EDIL3: variants seen among roughly 807,000 people sequenced by gnomAD.
The protein encoded by EDIL3 is EGF-like repeat and discoidin I-like domain-containing protein 3.
EDIL3 carries 37 observed loss-of-function variants against 67.4 expected under a neutral mutation model. The observed-to-expected ratio is 0.55, with a 90% CI of 0.42 to 0.72. The LOEUF is 0.72. EDIL3 is among the 30% of genes least tolerant of loss of function. EDIL3 has a pLI of 0.00. For missense variants in EDIL3, 527 were observed against 586.3 expected (o/e 0.90, Z 1.04); for synonymous variants, 195 against 196.3 (o/e 0.99, Z 0.05).
chr5:84,215,118 G>T (rs1159022021), intron 3 of EDIL3, among the ~76,000 whole-genome samples: 1 of 152,164 alleles, frequency 6.6e-6, no homozygotes, highest in Non-Finnish European at 1.5e-5. Context: ...TATTTATGAA[G>T]CATCTACTAT....
chr5:84,282,256 C>A (rs1277526516), intron 1 of EDIL3, among the ~76,000 whole-genome samples: 3 of 152,048 alleles, frequency 2.0e-5, no homozygotes, highest in African/African-American at 7.2e-5. Context: ...TTCTCTTGCA[C>A]CCTCTTCAGA....
At position 84,378,354 on chromosome 5, in the gene EDIL3, A is replaced by G. The variant is rs73146549; in HGVS notation, c.67+5954T>C. Among the ~76,000 whole-genome samples the G allele has an allele frequency of 2.3e-3, 349 of 152,258 alleles. 1 individual carries two copies. Among genetic ancestry groups the G allele is most frequent in the African/African-American group, 8.2e-3 (340 of 41,548 alleles). On this transcript the variant is annotated intron_variant, in intron 1 of 10. Transcript: ENST00000296591. Reference sequence around the variant, plus strand: ...ATCACCAGTTATTGCATTCTCTTATATGGTGATACACTTACCACTCCCCAC... The same window carrying G: ...ATCACCAGTTATTGCATTCTCTTATGTGGTGATACACTTACCACTCCCCAC...
At chr5:84,247,756 A>G (rs918244363) in intron 2 of EDIL3, among the ~76,000 whole-genome samples, 1 of 151,988 alleles carries the variant, frequency 6.6e-6, no homozygotes, top group African/African-American at 2.4e-5. Context: ...GAATATATAT[A>G]TGTATTTTTT....
At chr5:84,346,229 C>T (rs1157997380) in intron 1 of EDIL3, among the ~76,000 whole-genome samples, 3 of 149,864 alleles carry the variant, frequency 2.0e-5, no homozygotes, top group Admixed American at 1.3e-4. Flanking sequence ...CTGCAACCTC[C>T]GCCTCCCGGG....
chr5:84,244,775 T>C (rs747921736), intron 2 of EDIL3, among the ~76,000 whole-genome samples: 7 of 152,152 alleles, frequency 4.6e-5, no homozygotes, highest in Non-Finnish European at 7.4e-5. Context: ...TTCCATACTT[T>C]AGATTGGGGT....
chr5:84,117,123 G>A (rs972447810), intron 5 of EDIL3, among the ~76,000 whole-genome samples: 1 of 143,544 alleles, frequency 7.0e-6, no homozygotes, highest in African/African-American at 2.6e-5. Context: ...CGCCTCCCGG[G>A]TTCACGCCAT....
Position 83,941,362 on chromosome 5 carries a change from G to A in EDIL3, c.*2057C>T, listed in dbSNP as rs1287232888. The A allele has an allele frequency of 6.6e-6, 1 of 151,778 alleles. No homozygotes were observed. Among genetic ancestry groups the A allele is most frequent in the Non-Finnish European group, 1.5e-5 (1 of 67,854 alleles). The allele number at this position is 151,778 out of a possible 1,614,324, so 9.4% of individuals were successfully genotyped here. ...TTCCTTGGAAAATATTTTTAAAACA[G>A]GTATCAATAGAAAAAATTACAAAAC... is the stretch of plus-strand genomic sequence containing the variant. On this transcript the variant is annotated 3_prime_UTR_variant, in exon 11 of 11. Transcript: ENST00000296591.
At chr5:83,955,120 T>A (rs1388183970) in intron 10 of EDIL3, among the ~76,000 whole-genome samples, 1 of 151,770 alleles carries the variant, frequency 6.6e-6, no homozygotes, top group Non-Finnish European at 1.5e-5. Context: ...CTTTTTTCAC[T>A]GAGAAATATT....
At chr5:84,215,013 C>A (rs562776545) in intron 3 of EDIL3, among the ~76,000 whole-genome samples, 1 of 152,298 alleles carries the variant, frequency 6.6e-6, no homozygotes, top group African/African-American at 2.4e-5. Flanking sequence ...AGCCACCGCA[C>A]CCGGCCCTAT....
intron 4 of EDIL3, among the ~76,000 whole-genome samples, chr5:84,176,968 A>C (rs1380147435): frequency 2.0e-5 from 3 of 152,146 alleles, no homozygotes; most frequent in Non-Finnish European, 4.4e-5. Context: ...GATGTAGAAC[A>C]CAGGGACTCT....
intron 1 of EDIL3, among the ~76,000 whole-genome samples, chr5:84,362,143 T>C (rs2457501): frequency 0.45 from 68,175 of 151,842 alleles, 15,532 homozygotes; most frequent in Middle Eastern, 0.54. Context: ...GTGGTTTCCA[T>C]TTTAACTTTT....
At chr5:84,008,533 C>T (rs1745465405) in intron 9 of EDIL3, among the ~76,000 whole-genome samples, 1 of 151,996 alleles carries the variant, frequency 6.6e-6, no homozygotes, top group South Asian at 2.1e-4. Context: ...GTAACACCCT[C>T]CTTTGATGGG....
intron 9 of EDIL3, among the ~76,000 whole-genome samples, chr5:84,050,695 C>T (rs1374866344): frequency 1.3e-5 from 2 of 152,206 alleles, no homozygotes; most frequent in Non-Finnish European, 2.9e-5. Context: ...GGGTCCCACG[C>T]CCACAGAGCC....
chr5:84,124,214 G>T (rs180821154), intron 5 of EDIL3, among the ~76,000 whole-genome samples: 118 of 151,998 alleles, frequency 7.8e-4, no homozygotes, highest in African/African-American at 2.8e-3. Flanking sequence ...ACAAATTTTA[G>T]ATCGGAAAAG....
At chr5:84,209,509 C>T (rs1272978754) in intron 3 of EDIL3, among the ~76,000 whole-genome samples, 3 of 152,068 alleles carry the variant, frequency 2.0e-5, no homozygotes, top group Non-Finnish European at 4.4e-5. Context: ...CTCCATCCCA[C>T]AAGATGTGAG....
intron 10 of EDIL3, among the ~76,000 whole-genome samples, chr5:83,948,045 G>A (rs1041313501): frequency 6.6e-6 from 1 of 151,816 alleles, no homozygotes; most frequent in Non-Finnish European, 1.5e-5. Context: ...AAGATAGAGT[G>A]CGCCTTTGTT....
chr5:84,320,865 T>A (rs537997705), intron 1 of EDIL3, among the ~76,000 whole-genome samples: 15 of 152,194 alleles, frequency 9.9e-5, no homozygotes, highest in Non-Finnish European at 1.9e-4. Context: ...ATTGCAACAT[T>A]TCTTGTGAGT....
intron 3 of EDIL3, among the ~76,000 whole-genome samples, chr5:84,210,219 C>T (rs1368558083): frequency 6.6e-6 from 1 of 152,056 alleles, no homozygotes; most frequent in African/African-American, 2.4e-5. Flanking sequence ...TCATTCAAAA[C>T]AGATAATCCA....
chr5:84,076,561 C>T (rs974145272), intron 6 of EDIL3, among the ~76,000 whole-genome samples: 3 of 152,102 alleles, frequency 2.0e-5, no homozygotes, highest in African/African-American at 7.2e-5. Flanking sequence ...ATTTTCTAAG[C>T]GATGACACAT....
Sources: allele counts gnomAD v4.1 joint callset (sites outside exome capture counted in the v4.1 genomes callset), GRCh38; gene constraint gnomAD v4.1.1; transcripts MANE v1.5; gene names NCBI Gene and HGNC (gene_info 2026-07-23, HGNC 2026-07-21).